KCNH8: variants seen among roughly 807,000 people sequenced by gnomAD.
The protein encoded by KCNH8 is potassium voltage-gated channel subfamily H member 8.
In KCNH8, 70 loss-of-function variants were observed where a neutral mutation model predicts 103.6. The ratio of observed to expected loss-of-function variants is 0.68; its 90% CI spans 0.56 to 0.82. KCNH8 has a LOEUF of 0.82. Ranked by LOEUF, KCNH8 falls within the 40% of genes least tolerant of loss-of-function variation. KCNH8 has a pLI of 0.00. For synonymous variants in KCNH8, 498 were observed against 489.4 expected, an observed-to-expected ratio of 1.02 and a Z score of -0.23; for missense variants, 1,217 against 1,329.9, an observed-to-expected ratio of 0.92 and a Z score of 1.32.
chr3:19,348,100 A>C (rs1383804233), intron 5 of KCNH8, 135 bp downstream of exon 5: 2 of 993,706 alleles, frequency 2.0e-6, no homozygotes, highest in African/African-American at 3.3e-5. Flanking sequence ...ATTTTGGAGA[A>C]GCACATACTG....
Position 19,275,141 on chromosome 3 carries a change from G to GA in KCNH8, c.311-6053dup, listed in dbSNP as rs528301448. Among the ~76,000 whole-genome samples, 15 of 151,170 alleles carry GA rather than the reference G, an allele frequency of 9.9e-5. No homozygotes were observed. In the East Asian group the frequency reaches 2.7e-3, roughly 28 times the overall value. On this transcript the variant is annotated intron_variant, in intron 2 of 15. Transcript: ENST00000328405. ...TCTTCATGCTTATTCTAGAAAACCT[G>GA]AAAATAAAGATGCTGAAAAGAAAAG...
In KCNH8 at chr3:19,513,039, G is replaced by A; in HGVS notation, c.2149G>A (p.Glu717Lys). 1 of 1,613,720 alleles carries A rather than the reference G, an allele frequency of 6.2e-7. No homozygotes were observed. The highest frequency in any genetic ancestry group is 8.5e-7 in the Non-Finnish European group (1 of 1,179,850). The change falls in exon 13 of 16, where the codon GAG becomes AAG. Residue 717 changes from glutamate to lysine, a missense_variant. Physicochemically the swap from Glu to Lys is moderately conservative, Grantham distance 56. This residue lies in a region of KCNH8 where 558 missense variants were observed against 495.8 expected (regional missense o/e 1.13). Transcript: ENST00000328405. Reference sequence around the variant, plus strand: ...CATTGTGGAAGATGAGGAAGAGGAGGAGGAGGGGGAGGAAGAGGAGGCAGT... The same window carrying A: ...CATTGTGGAAGATGAGGAAGAGGAGAAGGAGGGGGAGGAAGAGGAGGCAGT... ...PSIVEDEEEE[E>K]EGEEEEAVSL... is the part of the protein sequence containing the mutation.
intron 1 of KCNH8, among the ~76,000 whole-genome samples, chr3:19,199,009 G>A (rs1429423897): frequency 6.6e-6 from 1 of 152,076 alleles, no homozygotes; most frequent in East Asian, 1.9e-4. Flanking sequence ...GATAAAGACT[G>A]ACTGGCTGAC....
Position 19,305,239 on chromosome 3 carries a change from T to C in KCNH8, c.442+23910T>C, listed in dbSNP as rs980127024. On this transcript the variant is annotated intron_variant, in intron 3 of 15. Transcript: ENST00000328405. ...TGAGTATGGCTTCCAACCCAGAATC[T>C]ATATCCAGCATAATTGCCAATAAAG... is the stretch of plus-strand genomic sequence containing the variant. Among the ~76,000 whole-genome samples the C allele has an allele frequency of 1.1e-4, 17 of 152,150 alleles. 1 individual carries two copies. Among genetic ancestry groups the C allele is most frequent in the Admixed American group, 1.1e-3 (17 of 15,254 alleles).
chr3:19,245,051 C>G (rs2064186983), intron 1 of KCNH8, among the ~76,000 whole-genome samples: 1 of 152,222 alleles, frequency 6.6e-6, no homozygotes, highest in Non-Finnish European at 1.5e-5. Context: ...ATTGAGAAGG[C>G]TATTCCCTAA....
chr3:19,292,069 T>C (rs1056675683), intron 3 of KCNH8, among the ~76,000 whole-genome samples: 1 of 152,218 alleles, frequency 6.6e-6, no homozygotes, highest in African/African-American at 2.4e-5. Flanking sequence ...TTCATTATGT[T>C]AATTTGGTTT....
chr3:19,306,881 C>T (rs1009222132), intron 3 of KCNH8, among the ~76,000 whole-genome samples: 2 of 151,916 alleles, frequency 1.3e-5, no homozygotes, highest in African/African-American at 4.8e-5. Context: ...TTTCTGGATA[C>T]ACACAGACAC....
intron 1 of KCNH8, among the ~76,000 whole-genome samples, chr3:19,194,879 A>G (rs1205766312): frequency 1.3e-5 from 2 of 151,966 alleles, no homozygotes; most frequent in Admixed American, 1.3e-4. Context: ...CGAGAAAACA[A>G]TATGAGTTGG....
intron 2 of KCNH8, among the ~76,000 whole-genome samples, chr3:19,266,184 C>G (rs2064508079): frequency 6.6e-6 from 1 of 152,084 alleles, no homozygotes; most frequent in Non-Finnish European, 1.5e-5. Flanking sequence ...GCATATAAAG[C>G]CATTCATGAG....
chr3:19,466,702 C>T (rs200210726), intron 11 of KCNH8, among the ~76,000 whole-genome samples: 9 of 141,792 alleles, frequency 6.3e-5, no homozygotes, highest in East Asian at 4.3e-4. Flanking sequence ...TCGCTCTTGC[C>T]GCCCAGGCTG....
At chr3:19,429,162 C>CTTTTTT (rs575154927) in intron 7 of KCNH8, among the ~76,000 whole-genome samples, 6 of 89,876 alleles carry the variant, frequency 6.7e-5, no homozygotes, top group African/African-American at 2.8e-4. Flanking sequence ...AGAATCCACT[C>CTTTTTT]TTTTTTTTTT....
At position 19,291,774 on chromosome 3, in the gene KCNH8, G is replaced by A. The variant is rs535481496; in HGVS notation, c.442+10445G>A. On this transcript the variant is annotated intron_variant, in intron 3 of 15. Transcript: ENST00000328405. ...GTCTATTAGGTCAGCTTGGTGCAGA[G>A]CTGAGTTCAATTCCTGGATATCCTT... Among the ~76,000 whole-genome samples the A allele has an allele frequency of 1.2e-4, 18 of 152,324 alleles. No individual in the cohort carries two copies. In the South Asian group the frequency reaches 3.7e-3, roughly 32 times the overall value.
At chr3:19,186,552 G>A (rs914775116) in intron 1 of KCNH8, among the ~76,000 whole-genome samples, 5 of 152,090 alleles carry the variant, frequency 3.3e-5, no homozygotes, top group Admixed American at 3.3e-4. Context: ...AGAGGTGGAG[G>A]CAGGGAGAAT....
intron 7 of KCNH8, among the ~76,000 whole-genome samples, chr3:19,415,587 C>T (rs1019754989): frequency 2.6e-5 from 4 of 151,930 alleles, no homozygotes; most frequent in Non-Finnish European, 5.9e-5. Context: ...AATGAGCAAT[C>T]AATTATGAGT....
chr3:19,488,193 G>A (rs575339688), intron 11 of KCNH8, among the ~76,000 whole-genome samples: 6 of 152,260 alleles, frequency 3.9e-5, no homozygotes, highest in Non-Finnish European at 7.4e-5. Context: ...TTTTTCTAAT[G>A]TCCTATTTCC....
intron 11 of KCNH8, among the ~76,000 whole-genome samples, chr3:19,457,532 GACAA>G (rs1388023216): frequency 2.6e-5 from 4 of 151,998 alleles, no homozygotes; most frequent in African/African-American, 7.2e-5. Flanking sequence ...TTTCGTATTA[GACAA>G]ACAGCTTTCC....
chr3:19,398,343 G>C (rs1433315046), intron 7 of KCNH8, among the ~76,000 whole-genome samples: 2 of 151,930 alleles, frequency 1.3e-5, no homozygotes, highest in East Asian at 3.9e-4. Context: ...TATCATCAAA[G>C]GCTTCTCAGA....
chr3:19,497,277 C>G (rs960833093), intron 11 of KCNH8, among the ~76,000 whole-genome samples: 1 of 152,130 alleles, frequency 6.6e-6, no homozygotes, highest in Non-Finnish European at 1.5e-5. Flanking sequence ...TATTTCTTAT[C>G]TCCTGCTATC....
intron 3 of KCNH8, among the ~76,000 whole-genome samples, chr3:19,315,271 C>T (rs1025496027): frequency 6.6e-6 from 1 of 151,908 alleles, no homozygotes; most frequent in African/African-American, 2.4e-5. Context: ...GCATCCAAGT[C>T]TATGCAGGTG....
Sources: allele counts gnomAD v4.1 joint callset (sites outside exome capture counted in the v4.1 genomes callset), GRCh38; gene constraint gnomAD v4.1.1; regional missense constraint gnomAD v4.1.1; transcripts MANE v1.5; gene names NCBI Gene and HGNC (gene_info 2026-07-23, HGNC 2026-07-21).